The following TTC23 variants were observed in gnomAD, a reference collection of about 807,000 sequenced individuals.
TTC23 encodes tetratricopeptide repeat domain 23, also known as tetratricopeptide repeat protein 23.
A neutral mutation model predicts 55.1 loss-of-function variants in TTC23; 58 were observed. The observed-to-expected ratio is 1.05, with a 90% CI of 0.85 to 1.31. The LOEUF (loss-of-function observed/expected upper bound fraction) is 1.31, where lower values mean the gene tolerates loss of function less well. Among genes scored for constraint, TTC23 ranks in the 50% most tolerant of loss-of-function variants. The pLI is 0.00. For synonymous variants in TTC23, 203 were observed against 199.9 expected (o/e 1.02, Z -0.13); for missense variants, 516 against 534.4 (o/e 0.97, Z 0.34).
chr15:99,172,857 G>C (rs2073114882), intron 10 of TTC23, among the ~76,000 whole-genome samples: 1 of 152,210 alleles, frequency 6.6e-6, no homozygotes, highest in Admixed American at 6.5e-5. Context: ...AGGCAATAGA[G>C]TGCTATATTT....
chr15:99,150,922 C>T (rs2069634880), intron 12 of TTC23, among the ~76,000 whole-genome samples: 2 of 152,204 alleles, frequency 1.3e-5, no homozygotes, highest in African/African-American at 4.8e-5. Context: ...GCTGTCTTGC[C>T]TCTGAGCGTC....
intron 8 of TTC23, 28 bp downstream of exon 8, chr15:99,218,560 T>C (rs1287810700): frequency 1.2e-6 from 2 of 1,613,772 alleles, no homozygotes; most frequent in Admixed American, 1.7e-5. Context: ...CGCCATCATG[T>C]ATGCAAAATC....
intron 8 of TTC23, among the ~76,000 whole-genome samples, chr15:99,215,180 A>C (rs984818788): frequency 1.3e-5 from 2 of 151,870 alleles, no homozygotes; most frequent in Non-Finnish European, 2.9e-5. Context: ...CTATCCAGTT[A>C]TGTGTTTGTT....
At chr15:99,222,285 A>G (rs1470232309) in intron 5 of TTC23, among the ~76,000 whole-genome samples, 2 of 151,852 alleles carry the variant, frequency 1.3e-5, no homozygotes, top group Admixed American at 6.6e-5. Flanking sequence ...GTGTGTGTGT[A>G]TGAGACAGGG....
chr15:99,210,105 A>C (rs2076926123), intron 8 of TTC23, among the ~76,000 whole-genome samples: 1 of 152,022 alleles, frequency 6.6e-6, no homozygotes, highest in East Asian at 1.9e-4. Flanking sequence ...TTAGAGATAT[A>C]TGATTATATA....
At chr15:99,219,646 T>C (rs1161311627) in intron 6 of TTC23, among the ~76,000 whole-genome samples, 2 of 152,150 alleles carry the variant, frequency 1.3e-5, no homozygotes, top group Non-Finnish European at 2.9e-5. Context: ...AAAAAATCAC[T>C]ACTAAGAAAG....
Position 99,156,301 on chromosome 15 carries a change from T to C in TTC23, c.994-4A>G. The C allele has an allele frequency of 1.9e-6, 3 of 1,613,542 alleles. No individual in the cohort carries two copies. The highest frequency in any genetic ancestry group is 2.7e-5 in the African/African-American group (2 of 75,004). The stretch of plus-strand genomic sequence containing the variant: ...CTCTCAGGATCGAGGTTGCTCTCTG[T>C]GAAAGGAACAAAAAGCTATCTGGTT... On this transcript the variant is annotated splice_polypyrimidine_tract_variant and splice_region_variant and intron_variant, in intron 11 of 13. Transcript: ENST00000394132.
chr15:99,227,594 T>C (rs906965646), intron 5 of TTC23, among the ~76,000 whole-genome samples: 1 of 152,186 alleles, frequency 6.6e-6, no homozygotes, highest in Non-Finnish European at 1.5e-5. Context: ...CCATCATCTT[T>C]AGGAGAAAAT....
chr15:99,242,973 G>A (rs372467955), intron 2 of TTC23, among the ~76,000 whole-genome samples: 7 of 151,996 alleles, frequency 4.6e-5, no homozygotes, highest in African/African-American at 1.7e-4. Context: ...CAAAAGTACA[G>A]GCAACCAAAA....
intron 5 of TTC23, among the ~76,000 whole-genome samples, chr15:99,222,078 C>T (rs1177215514): frequency 2.6e-5 from 4 of 151,998 alleles, no homozygotes; most frequent in African/African-American, 4.8e-5. Flanking sequence ...AGACAATAAA[C>T]ATAAGAAGTA....
At chr15:99,248,874 C>G (rs1235452083) in intron 1 of TTC23, among the ~76,000 whole-genome samples, 1 of 152,056 alleles carries the variant, frequency 6.6e-6, no homozygotes, top group Non-Finnish European at 1.5e-5. Flanking sequence ...CATGCTGATT[C>G]TGCTTCAGGT....
At chr15:99,217,769 C>T (rs575971998) in intron 8 of TTC23, among the ~76,000 whole-genome samples, 56 of 152,338 alleles carry the variant, frequency 3.7e-4, no homozygotes, top group Non-Finnish European at 7.3e-4. Context: ...ACTTTCCATT[C>T]ACATGGAAGC....
chr15:99,177,511 A>G (rs1567403819), intron 9 of TTC23, among the ~76,000 whole-genome samples: 1 of 152,168 alleles, frequency 6.6e-6, no homozygotes. Flanking sequence ...GTGTTTGGAG[A>G]AAGGAAAAAA....
intron 2 of TTC23, among the ~76,000 whole-genome samples, chr15:99,244,614 T>C (rs931533820): frequency 6.6e-6 from 1 of 152,030 alleles, no homozygotes; most frequent in African/African-American, 2.4e-5. Context: ...ACAATGAAAA[T>C]CATACATTAT....
At chr15:99,147,059 C>CGTG (rs2068971354) in intron 12 of TTC23, among the ~76,000 whole-genome samples, 1 of 150,952 alleles carries the variant, frequency 6.6e-6, no homozygotes, top group Non-Finnish European at 1.5e-5. Flanking sequence ...AGATTACAGG[C>CGTG]ACACGCCACC....
At chr15:99,202,281 A>C (rs2076261055) in intron 8 of TTC23, among the ~76,000 whole-genome samples, 1 of 152,206 alleles carries the variant, frequency 6.6e-6, no homozygotes, top group African/African-American at 2.4e-5. Flanking sequence ...ATTTGAGAGA[A>C]GGAAAAAAAT....
intron 9 of TTC23, among the ~76,000 whole-genome samples, chr15:99,188,477 T>C (rs1358301248): frequency 6.6e-6 from 1 of 152,078 alleles, no homozygotes; most frequent in Non-Finnish European, 1.5e-5. Context: ...ATTTGTGGTA[T>C]ACAAATTTTC....
chr15:99,212,861 T>C (rs1036298842), intron 8 of TTC23, among the ~76,000 whole-genome samples: 1 of 151,722 alleles, frequency 6.6e-6, no homozygotes, highest in South Asian at 2.1e-4. Context: ...GGCACGTGCC[T>C]GTAGTCCCAG....
chr15:99,212,554 A>G (rs1298493927), intron 8 of TTC23, among the ~76,000 whole-genome samples: 1 of 152,182 alleles, frequency 6.6e-6, no homozygotes, highest in African/African-American at 2.4e-5. Context: ...GAGAAGTTTC[A>G]GGCCATAGTC....
Sources: gnomAD v4.1 joint callset for allele counts (sites outside exome capture counted in the v4.1 genomes callset) on GRCh38, gnomAD v4.1.1 for gene constraint, MANE v1.5 for transcripts, NCBI Gene and HGNC (gene_info 2026-07-23, HGNC 2026-07-21) for gene names.